RHOJ: variants seen among roughly 807,000 people sequenced by gnomAD.
RHOJ encodes the protein ras homolog family member J, also known as rho-related GTP-binding protein RhoJ.
Under a neutral mutation model 23.4 loss-of-function variants are expected in RHOJ, and 11 were observed. The observed-to-expected ratio is 0.47, with a 90% CI of 0.30 to 0.78. The LOEUF is 0.78. Ranked by LOEUF, RHOJ falls within the 30% of genes least tolerant of loss-of-function variation. The probability of loss-of-function intolerance (pLI) is 0.08; values close to 1 mark genes in which losing one functional copy is unlikely to be tolerated. For missense variants in RHOJ, 254 were observed against 273.4 expected (o/e 0.93, Z 0.50); for synonymous variants, 102 against 102.7 (o/e 0.99, Z 0.04).
intron 1 of RHOJ, among the ~76,000 whole-genome samples, chr14:63,239,779 C>T (rs1453219476): frequency 6.6e-6 from 1 of 152,190 alleles, no homozygotes. Context: ...CTTAAGGAAG[C>T]AGACTTCTCT....
At chr14:63,265,935 C>A (rs1456133338) in intron 1 of RHOJ, among the ~76,000 whole-genome samples, 1 of 152,172 alleles carries the variant, frequency 6.6e-6, no homozygotes, top group Non-Finnish European at 1.5e-5. Context: ...CAAGGTTCTG[C>A]AACCTATCTA....
At chr14:63,213,379 A>G (rs1446574747) in intron 1 of RHOJ, among the ~76,000 whole-genome samples, 2 of 152,150 alleles carry the variant, frequency 1.3e-5, no homozygotes, top group Non-Finnish European at 2.9e-5. Flanking sequence ...AGTGAGAACT[A>G]ACGTAGTATT....
At position 63,204,503 on chromosome 14, in the gene RHOJ, A is replaced by G; in HGVS notation, c.-367A>G. 1 of 212,162 alleles carries G rather than the reference A, an allele frequency of 4.7e-6. No individual in the cohort carries two copies. The highest frequency in any genetic ancestry group is 9.9e-5 in the South Asian group (1 of 10,058). 13.1% of individuals were successfully genotyped at this position (212,162 alleles called of 1,614,324 possible). Reference sequence around the variant, plus strand: ...ACTTGGAAAATGAGAAAGATTTAGCAAAATTCCACCGTATCTTTTGCCAGG... The same window carrying G: ...ACTTGGAAAATGAGAAAGATTTAGCGAAATTCCACCGTATCTTTTGCCAGG... On this transcript the variant is annotated 5_prime_UTR_variant, in exon 1 of 5. Coordinates refer to ENST00000316754, the MANE Select transcript of RHOJ (RefSeq NM_020663.5).
At chr14:63,287,583 T>C (rs1311728914) in intron 4 of RHOJ, among the ~76,000 whole-genome samples, 2 of 151,780 alleles carry the variant, frequency 1.3e-5, no homozygotes, top group Non-Finnish European at 2.9e-5. Context: ...TTTCTTTTAC[T>C]TGATTAGTCA....
At chr14:63,235,466 A>T (rs961438053) in intron 1 of RHOJ, among the ~76,000 whole-genome samples, 2 of 152,154 alleles carry the variant, frequency 1.3e-5, no homozygotes, top group Non-Finnish European at 2.9e-5. Flanking sequence ...AGATGCTGCT[A>T]AAGTATTTAT....
At chr14:63,233,886 C>T (rs374801871) in intron 1 of RHOJ, among the ~76,000 whole-genome samples, 9 of 152,204 alleles carry the variant, frequency 5.9e-5, no homozygotes, top group Admixed American at 2.0e-4. Context: ...AGCTCCCAAC[C>T]GTTCCCAGAA....
intron 1 of RHOJ, among the ~76,000 whole-genome samples, chr14:63,247,376 TC>T (rs1406941100): frequency 6.6e-6 from 1 of 152,204 alleles, no homozygotes; most frequent in Non-Finnish European, 1.5e-5. Context: ...ACCTTTCTTT[TC>T]AGGCTACCCT....
intron 1 of RHOJ, among the ~76,000 whole-genome samples, chr14:63,254,692 G>A (rs926025605): frequency 3.3e-5 from 5 of 152,048 alleles, no homozygotes; most frequent in African/African-American, 7.2e-5. Context: ...CAGGGAAAGC[G>A]GAGCTCACCC....
chr14:63,220,932 A>G (rs906357504), intron 1 of RHOJ, among the ~76,000 whole-genome samples: 11 of 152,158 alleles, frequency 7.2e-5, no homozygotes, highest in Non-Finnish European at 1.3e-4. Flanking sequence ...ACTCTGTTCT[A>G]TTTCTAAATA....
At chr14:63,263,694 C>A (rs1895313861) in intron 1 of RHOJ, among the ~76,000 whole-genome samples, 1 of 152,212 alleles carries the variant, frequency 6.6e-6, no homozygotes, top group Non-Finnish European at 1.5e-5. Flanking sequence ...TCCTCCCTTC[C>A]CCCACCATTT....
At chr14:63,266,521 A>T (rs1259162773) in intron 1 of RHOJ, among the ~76,000 whole-genome samples, 1 of 152,244 alleles carries the variant, frequency 6.6e-6, no homozygotes, top group Non-Finnish European at 1.5e-5. Flanking sequence ...TGCTTTGGGC[A>T]GTATGGCCAT....
At chr14:63,288,283 A>C in intron 4 of RHOJ, 1 of 985,394 alleles carries the variant, frequency 1.0e-6, no homozygotes, top group Non-Finnish European at 1.2e-6. Context: ...GGGCAGGAGG[A>C]TGGGGAGTGC....
Position 63,291,083 on chromosome 14 carries a change from G to A in RHOJ, c.*59G>A. 6.3e-7 allele frequency: 1 copy of A among 1,596,936 alleles called. No homozygotes were observed. Among genetic ancestry groups the A allele is most frequent in the Non-Finnish European group, 8.6e-7 (1 of 1,167,830 alleles). ...GATGAGAATGGCAGCCAATCTCTGT[G>A]GCCAAGCTCCAGCCAAAAAGGAGGG... On this transcript the variant is annotated 3_prime_UTR_variant, in exon 5 of 5. Transcript: ENST00000316754.
At chr14:63,217,606 T>A (rs1042756723) in intron 1 of RHOJ, among the ~76,000 whole-genome samples, 1 of 152,066 alleles carries the variant, frequency 6.6e-6, no homozygotes. Flanking sequence ...AACCTAGGCA[T>A]TACCATTCAG....
In RHOJ at chr14:63,266,018, C is replaced by T. The variant is rs376559363; in HGVS notation, c.179-3092C>T. 5.3e-4 allele frequency among the ~76,000 whole-genome samples: 81 copies of T among 152,242 alleles called. No homozygotes were observed. The South Asian group carries it at 0.015, about 28-fold the overall frequency. Reference sequence around the variant, plus strand: ...GGCTTCAGAGAGAACAAACGGTAAGCGTCTCTTGTCAGACCCTGAAAGTGC... The same window carrying T: ...GGCTTCAGAGAGAACAAACGGTAAGTGTCTCTTGTCAGACCCTGAAAGTGC... On this transcript the variant is annotated intron_variant, in intron 1 of 4. Transcript: ENST00000316754.
chr14:63,232,691 T>TG (rs1377596568), intron 1 of RHOJ, among the ~76,000 whole-genome samples: 21 of 149,610 alleles, frequency 1.4e-4, no homozygotes, highest in Non-Finnish European at 2.7e-4. Context: ...CTTTTTTTCT[T>TG]GCCTTTTTTT....
In RHOJ at chr14:63,291,211, C is replaced by T. The variant is rs1271951344; in HGVS notation, c.*187C>T. The stretch of plus-strand genomic sequence containing the variant: ...CAGCCCACTGCCACGACCTCCCTGC[C>T]AGCCAGAAGCATCCGTACTGCACGC... On this transcript the variant is annotated 3_prime_UTR_variant, in exon 5 of 5. Transcript: ENST00000316754. 5.9e-6 allele frequency: 4 copies of T among 673,018 alleles called. No individual in the cohort carries two copies. The highest frequency in any genetic ancestry group is 1.8e-5 in the African/African-American group (1 of 56,632). 41.7% of individuals were successfully genotyped at this position (673,018 alleles called of 1,614,324 possible).
intron 3 of RHOJ, among the ~76,000 whole-genome samples, chr14:63,281,727 C>G (rs1881906759): frequency 2.0e-5 from 3 of 152,306 alleles, no homozygotes; most frequent in South Asian, 2.1e-4. Context: ...GTTCTGAAAG[C>G]TAATCAATTT....
chr14:63,207,321 C>T (rs1446451571), intron 1 of RHOJ, among the ~76,000 whole-genome samples: 3 of 152,152 alleles, frequency 2.0e-5, no homozygotes, highest in Admixed American at 6.5e-5. Context: ...TGAGCCACCG[C>T]GCCCAACCAG....
Sources: gnomAD v4.1 joint callset for allele counts (sites outside exome capture counted in the v4.1 genomes callset) on GRCh38, gnomAD v4.1.1 for gene constraint, MANE v1.5 for transcripts, NCBI Gene and HGNC (gene_info 2026-07-23, HGNC 2026-07-21) for gene names.